PARD3B: variants seen among roughly 807,000 people sequenced by gnomAD.
The protein encoded by PARD3B is partitioning defective 3 homolog B.
In PARD3B, 103 loss-of-function variants were observed where a neutral mutation model predicts 130.2. The ratio of observed to expected loss-of-function variants is 0.79; its 90% CI spans 0.67 to 0.93. The LOEUF is 0.93. Among genes scored for constraint, PARD3B ranks in the 40% least tolerant of loss-of-function variants. PARD3B has a pLI of 0.00. For synonymous variants in PARD3B, 583 were observed against 553.2 expected (o/e 1.05, Z -0.76); for missense variants, 1,609 against 1,499.2 (o/e 1.07, Z -1.21).
intron 20 of PARD3B, chr2:205,482,611 G>C (rs905838462): frequency 4.6e-5 from 7 of 152,498 alleles, no homozygotes; most frequent in Admixed American, 3.9e-4. Context: ...CTCCCCAGGC[G>C]GGGGTGGGGG....
intron 4 of PARD3B, among the ~76,000 whole-genome samples, chr2:205,076,053 T>A (rs61015654): frequency 6.6e-6 from 1 of 151,990 alleles, no homozygotes; most frequent in Non-Finnish European, 1.5e-5. Context: ...CTGTGTCTTA[T>A]GAGAACTTTC....
chr2:205,489,567 T>TACAC (rs1553524316), intron 20 of PARD3B, among the ~76,000 whole-genome samples: 1 of 147,718 alleles, frequency 6.8e-6, no homozygotes, highest in African/African-American at 2.5e-5. Context: ...TACATATATA[T>TACAC]ACACACACAC....
intron 1 of PARD3B, among the ~76,000 whole-genome samples, chr2:204,585,079 A>G (rs1241391852): frequency 6.6e-6 from 1 of 152,206 alleles, no homozygotes; most frequent in Non-Finnish European, 1.5e-5. Flanking sequence ...CCAAGACTCT[A>G]GAGGGGGCTA....
intron 20 of PARD3B, among the ~76,000 whole-genome samples, chr2:205,450,080 C>G (rs2048044928): frequency 6.6e-6 from 1 of 152,160 alleles, no homozygotes; most frequent in Non-Finnish European, 1.5e-5. Context: ...ATGAGTATAT[C>G]TGCTCTTGTC....
chr2:204,965,123 GTAAT>G (rs1299173488), intron 2 of PARD3B, 25 bp from the exon 3 acceptor site: 14 of 1,605,338 alleles, frequency 8.7e-6, no homozygotes, highest in African/African-American at 1.3e-5. Flanking sequence ...GTCCTACAAA[GTAAT>G]TAGTGTTGTT....
intron 21 of PARD3B, among the ~76,000 whole-genome samples, chr2:205,522,794 A>G (rs1012572671): frequency 3.3e-5 from 5 of 152,312 alleles, no homozygotes; most frequent in African/African-American, 1.2e-4. Context: ...GGAAACCATC[A>G]TATTAAATGT....
chr2:205,255,621 T>C (rs960422257), intron 16 of PARD3B, among the ~76,000 whole-genome samples: 2 of 152,110 alleles, frequency 1.3e-5, no homozygotes, highest in Non-Finnish European at 2.9e-5. Flanking sequence ...CCCATGACTC[T>C]CCTCAGGTTC....
intron 3 of PARD3B, among the ~76,000 whole-genome samples, chr2:204,992,080 A>G (rs1693757929): frequency 6.6e-6 from 1 of 151,784 alleles, no homozygotes; most frequent in African/African-American, 2.4e-5. Context: ...TCTTTAGTTT[A>G]ATTAGATCCC....
chr2:205,323,077 A>AT (rs2042810829), intron 18 of PARD3B, among the ~76,000 whole-genome samples: 1 of 151,118 alleles, frequency 6.6e-6, no homozygotes, highest in Non-Finnish European at 1.5e-5. Context: ...AGCCCGGCTA[A>AT]TTTTTTGTGT....
At chr2:204,650,349 A>G (rs1187266821) in intron 1 of PARD3B, among the ~76,000 whole-genome samples, 2 of 152,144 alleles carry the variant, frequency 1.3e-5, no homozygotes, top group East Asian at 3.9e-4. Flanking sequence ...CAATTCCTCA[A>G]AGAGTTAAAA....
intron 2 of PARD3B, among the ~76,000 whole-genome samples, chr2:204,794,218 ATAGAGATT>A (rs2042290848): frequency 6.6e-6 from 1 of 152,242 alleles, no homozygotes; most frequent in Admixed American, 6.5e-5. Context: ...GTCAGTTTTG[ATAGAGATT>A]TAGAGAGACT....
chr2:205,156,425 T>A (rs976443625), intron 10 of PARD3B, among the ~76,000 whole-genome samples: 36 of 149,872 alleles, frequency 2.4e-4, no homozygotes, highest in African/African-American at 4.9e-4. Flanking sequence ...TAATAAAATT[T>A]AAAAAAAAAG....
chr2:204,979,446 A>G (rs1206009509), intron 3 of PARD3B, among the ~76,000 whole-genome samples: 1 of 152,190 alleles, frequency 6.6e-6, no homozygotes, highest in African/African-American at 2.4e-5. Flanking sequence ...ATATATTGGC[A>G]GGAACAACTG....
At chr2:204,716,025 C>T (rs34969158) in intron 2 of PARD3B, among the ~76,000 whole-genome samples, 16,540 of 152,128 alleles carry the variant, frequency 0.11, 1,020 homozygotes, top group East Asian at 0.27. Flanking sequence ...AAAACTCTTA[C>T]GCATGCTGTT....
intron 22 of PARD3B, among the ~76,000 whole-genome samples, chr2:205,612,814 T>A (rs891160145): frequency 6.6e-6 from 1 of 152,204 alleles, no homozygotes; most frequent in African/African-American, 2.4e-5. Context: ...GGAAGCAATA[T>A]GGGACCACAA....
chr2:204,620,035 T>G (rs968955836), intron 1 of PARD3B, among the ~76,000 whole-genome samples: 3 of 152,072 alleles, frequency 2.0e-5, no homozygotes, highest in African/African-American at 7.2e-5. Flanking sequence ...GGAATCTCGC[T>G]CTGTCACCCA....
intron 1 of PARD3B, among the ~76,000 whole-genome samples, chr2:204,551,302 T>C (rs1452176025): frequency 6.6e-6 from 1 of 152,222 alleles, no homozygotes; most frequent in Non-Finnish European, 1.5e-5. Context: ...CTGACAATGC[T>C]GGGCTTTACT....
intron 22 of PARD3B, among the ~76,000 whole-genome samples, chr2:205,610,037 A>G (rs924807323): frequency 2.0e-5 from 3 of 152,202 alleles, no homozygotes; most frequent in Non-Finnish European, 2.9e-5. Flanking sequence ...CCCTTCAATA[A>G]TGTCACTCCC....
At chr2:205,145,065 G>T (rs1366106001) in intron 10 of PARD3B, among the ~76,000 whole-genome samples, 1 of 152,124 alleles carries the variant, frequency 6.6e-6, no homozygotes, top group African/African-American at 2.4e-5. Flanking sequence ...AAATGAAGAT[G>T]ATTGAGATGT....
Sources: allele counts gnomAD v4.1 joint callset (sites outside exome capture counted in the v4.1 genomes callset), GRCh38; gene constraint gnomAD v4.1.1; transcripts MANE v1.5; gene names NCBI Gene and HGNC (gene_info 2026-07-23, HGNC 2026-07-21).